ESPN: variants seen among roughly 807,000 people sequenced by gnomAD.
The protein encoded by ESPN is espin.
In ESPN, 68 loss-of-function variants were observed where a neutral mutation model predicts 77.7. The ratio of observed to expected loss-of-function variants is 0.87; its 90% CI spans 0.72 to 1.07. The LOEUF is 1.07. Ranked by LOEUF, ESPN falls within the 50% of genes least tolerant of loss-of-function variation. The probability of loss-of-function intolerance (pLI) is 0.00; values close to 1 mark genes in which losing one functional copy is unlikely to be tolerated. For missense variants in ESPN, 1,060 were observed against 1,239.0 expected (o/e 0.86, Z 2.17); for synonymous variants, 449 against 567.1 (o/e 0.79, Z 2.96).
intron 2 of ESPN, among the ~76,000 whole-genome samples, chr1:6,436,354 A>G (rs1360209205): frequency 3.3e-5 from 5 of 152,126 alleles, no homozygotes; most frequent in Non-Finnish European, 7.4e-5. Flanking sequence ...AGCTGAGAGA[A>G]CGTGTGTGTT....
intron 8 of ESPN, among the ~76,000 whole-genome samples, chr1:6,449,985 T>C (rs948214384): frequency 1.6e-4 from 24 of 152,100 alleles, no homozygotes; most frequent in African/African-American, 4.8e-4. Context: ...CCCCTACGGT[T>C]CCTATGGAGC....
At chr1:6,433,633 TCA>T (rs923716997) in intron 2 of ESPN, among the ~76,000 whole-genome samples, 1 of 150,542 alleles carries the variant, frequency 6.6e-6, no homozygotes, top group African/African-American at 2.5e-5. Context: ...ACAAGTCCCA[TCA>T]CAGGCTTCTG....
intron 2 of ESPN, among the ~76,000 whole-genome samples, chr1:6,439,521 GGGGAAATAAATCA>G (rs1317106176): frequency 2.6e-5 from 4 of 152,192 alleles, no homozygotes; most frequent in African/African-American, 9.7e-5. Context: ...GGCCAGCAAG[GGGGAAATAAATCA>G]GGGTGGCCCT....
In ESPN at chr1:6,453,328, G is replaced by C. The variant is rs574834676; in HGVS notation, c.2325+1232G>C. 3.8e-3 allele frequency among the ~76,000 whole-genome samples: 576 copies of C among 152,380 alleles called. 3 individuals carry two copies. The highest frequency in any genetic ancestry group is 0.013 in the African/African-American group (556 of 41,592). ...GCACACAAAATGGGGCAGTGTGAGAGAGTGGGTGGCAGTGGAGAGAAGTAC... is the reference window on the plus strand; with the variant it reads ...GCACACAAAATGGGGCAGTGTGAGACAGTGGGTGGCAGTGGAGAGAAGTAC... On this transcript the variant is annotated intron_variant, in intron 10 of 12. Transcript: ENST00000645284.
chr1:6,459,590 T>A (rs1312202963), intron 12 of ESPN, among the ~76,000 whole-genome samples: 1 of 152,084 alleles, frequency 6.6e-6, no homozygotes, highest in Admixed American at 6.5e-5. Flanking sequence ...CCTCTCTCAA[T>A]TATATGGTCT....
At position 6,460,024 on chromosome 1, in the gene ESPN, GA is replaced by G; in HGVS notation, c.2444del (p.Glu815GlyfsTer32). On this transcript the variant is annotated frameshift_variant, in exon 13 of 13. Coordinates refer to ENST00000645284, the MANE Select transcript of ESPN (RefSeq NM_031475.3). LOFTEE classifies it high-confidence loss of function. ...KRKEEERQKQ[E>X]ELRREKEQSE... ...GAAAGAGGAGGAGCGACAGAAGCAG[GA>G]GGAGCTGCGGCGGGAGAAGGAACAG... 2 of 1,613,746 alleles carry G rather than the reference GA, an allele frequency of 1.2e-6. No individual in the cohort carries two copies. The highest frequency in any genetic ancestry group is 1.7e-6 in the Non-Finnish European group (2 of 1,180,038).
At chr1:6,455,639 C>G (rs931258140) in intron 10 of ESPN, 1 of 399,424 alleles carries the variant, frequency 2.5e-6, no homozygotes, top group East Asian at 3.6e-5. Context: ...GCCTCACGCT[C>G]GACCTCTTCA....
chr1:6,431,654 GGAAC>G (rs1205804110), intron 2 of ESPN, among the ~76,000 whole-genome samples: 6 of 127,736 alleles, frequency 4.7e-5, no homozygotes, highest in Admixed American at 7.7e-5. Context: ...AAAAAAAAAA[GGAAC>G]GAACGAAAGA....
intron 2 of ESPN, among the ~76,000 whole-genome samples, chr1:6,432,680 G>T (rs1470679798): frequency 6.6e-6 from 1 of 152,230 alleles, no homozygotes; most frequent in Non-Finnish European, 1.5e-5. Flanking sequence ...TGCCTCACGT[G>T]GGGGCTACCT....
At chr1:6,425,672 G>A (rs1281800556) in intron 1 of ESPN, among the ~76,000 whole-genome samples, 1 of 152,266 alleles carries the variant, frequency 6.6e-6, no homozygotes, top group Non-Finnish European at 1.5e-5. Context: ...CCGAGGCTGA[G>A]ATTCAGGTGT....
chr1:6,455,400 C>A (rs1416911325), intron 10 of ESPN: 4 of 389,898 alleles, frequency 1.0e-5, no homozygotes, highest in African/African-American at 2.1e-5. Flanking sequence ...TGGCCCGGGG[C>A]TGGAGGCCAC....
At chr1:6,452,749 T>C (rs976843877) in intron 10 of ESPN, among the ~76,000 whole-genome samples, 35 of 152,224 alleles carry the variant, frequency 2.3e-4, no homozygotes, top group African/African-American at 7.7e-4. Flanking sequence ...CTGGGCTCCA[T>C]TGCTGTGCTG....
At position 6,447,329 on chromosome 1, in the gene ESPN, G is replaced by A. The variant is rs1643869831; in HGVS notation, c.1465-1312G>A. 1 of 152,230 alleles carries A rather than the reference G, an allele frequency of 6.6e-6. No homozygotes were observed. Among genetic ancestry groups the A allele is most frequent in the African/African-American group, 2.4e-5 (1 of 41,460 alleles). The allele number at this position is 152,230 out of a possible 1,614,324, so 9.4% of individuals were successfully genotyped here. A position where few individuals can be genotyped will look rare whatever the true frequency, so the allele number is the denominator to read the frequency against. The stretch of plus-strand genomic sequence containing the variant: ...TCTTTGTGTCGCCGCGGCGCCCCCC[G>A]CGCGGGTGCCTGACCGGGGGCGGGA... On this transcript the variant is annotated intron_variant, in intron 7 of 12. Transcript: ENST00000645284. The surrounding 1 kb of genome is among the most constrained non-coding windows in gnomAD (Gnocchi z 5.2).
chr1:6,442,877 A>G (rs1170119365), intron 5 of ESPN, among the ~76,000 whole-genome samples: 1 of 148,902 alleles, frequency 6.7e-6, no homozygotes, highest in African/African-American at 2.5e-5. Flanking sequence ...CAAAAAAAAA[A>G]AAAAAAAAAA....
intron 2 of ESPN, among the ~76,000 whole-genome samples, chr1:6,432,977 C>CTGGG (rs1643302490): frequency 6.6e-6 from 1 of 151,830 alleles, no homozygotes; most frequent in Non-Finnish European, 1.5e-5. Context: ...CAGAAATTAG[C>CTGGG]TGGGTGTGGT....
Position 6,450,845 on chromosome 1 carries a change from C to T in ESPN, c.1916-758C>T, listed in dbSNP as rs190822194. On this transcript the variant is annotated intron_variant, in intron 8 of 12. Coordinates refer to ENST00000645284, the MANE Select transcript of ESPN (RefSeq NM_031475.3). The surrounding 1 kb of genome is among the most constrained non-coding windows in gnomAD (Gnocchi z 4.3). ...TCCCTCCCAGACCTGACCCCTTCAT[C>T]GGGGCTCAAGAGACCTCTCTCTCCA... Among the ~76,000 whole-genome samples the T allele has an allele frequency of 4.5e-4, 69 of 152,068 alleles. No homozygotes were observed. The highest frequency in any genetic ancestry group is 1.2e-3 in the African/African-American group (48 of 41,480).
Position 6,428,493 on chromosome 1 carries a change from C to T in ESPN, c.488+74C>T, listed in dbSNP as rs1643123546. ...TTTGGGGGATGCCTGGGATTTTCCA[C>T]GCCTCTCTGGCACTCCAGGGCAATG... On this transcript the variant is annotated intron_variant, in intron 2 of 12. Transcript: ENST00000645284. The surrounding 1 kb of genome is among the most constrained non-coding windows in gnomAD (Gnocchi z 5.4). The T allele has an allele frequency of 1.1e-5, 15 of 1,343,440 alleles. No individual in the cohort carries two copies. Among genetic ancestry groups the T allele is most frequent in the South Asian group, 2.7e-5 (2 of 74,062 alleles). The allele number at this position is 1,343,440 out of a possible 1,614,324, so 83.2% of individuals were successfully genotyped here.
At position 6,451,945 on chromosome 1, in the gene ESPN, C is replaced by G. The variant is rs1296463211; in HGVS notation, c.2174C>G (p.Pro725Arg). 10 of 1,610,956 alleles carry G rather than the reference C, an allele frequency of 6.2e-6. No homozygotes were observed. Among genetic ancestry groups the G allele is most frequent in the Non-Finnish European group, 8.5e-6 (10 of 1,178,874 alleles). ...AATGGAAGCTTGGTTCCCGTGCCGC[C>G]CACTACTCCTGCGCCGGGAGTGCAG... ...LLNGSLVPVPPTTPAPGVQLD... is the reference protein window; with the variant it reads ...LLNGSLVPVPRTTPAPGVQLD... The change falls in exon 10 of 13, where the codon CCC becomes CGC. Residue 725 changes from proline (P) to arginine (R), a missense_variant. Physicochemically the swap from Pro to Arg is moderately radical, Grantham distance 103. Coordinates refer to ENST00000645284, the MANE Select transcript of ESPN (RefSeq NM_031475.3). The surrounding 1 kb of genome is among the most constrained non-coding windows in gnomAD (Gnocchi z 4.3).
At position 6,447,890 on chromosome 1, in the gene ESPN, G is replaced by A. The variant is rs562238622; in HGVS notation, c.1465-751G>A. Reference sequence around the variant, plus strand: ...ACATCTGGCCGGGGACGGGTGCAGAGCCGCGGCCAGGTGTGGCAAAGTAGT... The same window carrying A: ...ACATCTGGCCGGGGACGGGTGCAGAACCGCGGCCAGGTGTGGCAAAGTAGT... On this transcript the variant is annotated intron_variant, in intron 7 of 12. Transcript: ENST00000645284. This position sits in a 1 kb window ranked among gnomAD's most constrained non-coding sequence, Gnocchi z 5.2. Among the ~76,000 whole-genome samples, 1 of 152,310 alleles carries A rather than the reference G, an allele frequency of 6.6e-6. No individual in the cohort carries two copies. The highest frequency in any genetic ancestry group is 1.9e-4 in the East Asian group (1 of 5,172).
Sources: gnomAD v4.1 joint callset for allele counts (sites outside exome capture counted in the v4.1 genomes callset) on GRCh38, gnomAD v4.1.1 for gene constraint, Gnocchi (gnomAD v3.1) non-coding constraint, MANE v1.5 for transcripts, NCBI Gene and HGNC (gene_info 2026-07-23, HGNC 2026-07-21) for gene names.